Variants in PAX3 observed in about 807,000 individuals in gnomAD.
PAX3 encodes paired box protein Pax-3.
In PAX3, 14 loss-of-function variants were observed where a neutral mutation model predicts 51.6. The observed-to-expected ratio is 0.27, with a 90% CI of 0.18 to 0.42. The LOEUF is 0.42. PAX3 is among the 10% of genes least tolerant of loss of function. PAX3 has a pLI of 1.00. For missense variants in PAX3, 540 were observed against 642.8 expected, an observed-to-expected ratio of 0.84 and a Z score of 1.73; for synonymous variants, 280 against 253.4, an observed-to-expected ratio of 1.11 and a Z score of -1.00.
intron 4 of PAX3, chr2:222,262,976 A>AAAAATTAACTG (rs1693921439): frequency 6.8e-6 from 1 of 146,188 alleles, no homozygotes; most frequent in Admixed American, 6.8e-5. Flanking sequence ...CACCACATAC[A>AAAAATTAACTG]AAAATTAACT....
chr2:222,217,183 A>G (rs1319981914), intron 7 of PAX3, among the ~76,000 whole-genome samples: 1 of 152,222 alleles, frequency 6.6e-6, no homozygotes. Flanking sequence ...TCTACTTTAT[A>G]GACACTTTTT....
In PAX3 at chr2:222,237,326, GCACACA is replaced by G. The variant is rs3075849; in HGVS notation, c.587-5049_587-5044del. 1.4e-3 allele frequency among the ~76,000 whole-genome samples: 210 copies of G among 146,544 alleles called. 1 individual carries two copies. The highest frequency in any genetic ancestry group is 6.0e-3 in the South Asian group (27 of 4,512). On this transcript the variant is annotated intron_variant, in intron 4 of 8. Coordinates refer to ENST00000392070, the MANE Select transcript of PAX3 (RefSeq NM_181458.4). Reference sequence around the variant, plus strand: ...ATGAGTGTTGAGTCTTTTATCACATGCACACACACACACACACACACACACACACAC... The same window carrying G: ...ATGAGTGTTGAGTCTTTTATCACATGCACACACACACACACACACACACAC...
intron 4 of PAX3, among the ~76,000 whole-genome samples, chr2:222,251,140 C>T (rs938264857): frequency 6.6e-6 from 1 of 151,934 alleles, no homozygotes; most frequent in Non-Finnish European, 1.5e-5. Context: ...TTTTAGGGTA[C>T]ATGTGCACAA....
intron 4 of PAX3, among the ~76,000 whole-genome samples, chr2:222,253,557 C>A (rs2106129654): frequency 6.6e-6 from 1 of 151,618 alleles, no homozygotes; most frequent in African/African-American, 2.4e-5. Flanking sequence ...CTACAACATA[C>A]ATACATTTAG....
intron 7 of PAX3, among the ~76,000 whole-genome samples, chr2:222,208,641 A>T (rs1033865804): frequency 6.6e-6 from 1 of 152,180 alleles, no homozygotes; most frequent in Non-Finnish European, 1.5e-5. Context: ...GAAATTTCTC[A>T]CAACCACTGT....
At chr2:222,298,122 C>A in intron 1 of PAX3, 4 of 187,104 alleles carry the variant, frequency 2.1e-5, no homozygotes, top group South Asian at 2.9e-4. Flanking sequence ...AAAAAAAATA[C>A]TTCCTGAACT....
chr2:222,280,534 G>A lies in PAX3; in HGVS notation c.586+13633C>T, dbSNP rs180760729. On this transcript the variant is annotated intron_variant, in intron 4 of 8. Transcript: ENST00000392070. ...CAAAGGTATGCCGGGAAATGAGTGA[G>A]TACTTGCTTTGACCTCCACAAGAGT... 1.5e-3 allele frequency among the ~76,000 whole-genome samples: 223 copies of A among 152,296 alleles called. 2 individuals carry two copies. Among genetic ancestry groups the A allele is most frequent in the African/African-American group, 5.1e-3 (213 of 41,552 alleles).
intron 6 of PAX3, among the ~76,000 whole-genome samples, 162 bp downstream of exon 6, chr2:222,221,060 C>A (rs1483066456): frequency 6.6e-6 from 1 of 152,204 alleles, no homozygotes; most frequent in African/African-American, 2.4e-5. Flanking sequence ...CATCATAGAA[C>A]AAACTATGTT....
At chr2:222,288,870 T>G (rs776139029) in intron 4 of PAX3, among the ~76,000 whole-genome samples, 13 of 152,194 alleles carry the variant, frequency 8.5e-5, no homozygotes, top group African/African-American at 2.9e-4. Context: ...GACAGATAAA[T>G]TGAAATGATC....
chr2:222,201,034 T>TAC lies in PAX3; in HGVS notation c.*372_*373dup, dbSNP rs373626774. On this transcript the variant is annotated 3_prime_UTR_variant, in exon 9 of 9. Coordinates refer to ENST00000392070, the MANE Select transcript of PAX3 (RefSeq NM_181458.4). ...CCAAACCAGTCTGGGTAAATCTCAA[T>TAC]ACACACACACACACACACACGCACG... 13,754 of 793,502 alleles carry TAC rather than the reference T, an allele frequency of 0.017. 581 individuals carry two copies. Among genetic ancestry groups the TAC allele is most frequent in the African/African-American group, 0.16 (9,237 of 57,670 alleles). The allele number at this position is 793,502 out of a possible 1,614,324, so 49.2% of individuals were successfully genotyped here.
At chr2:222,270,882 T>C (rs1412060238) in intron 4 of PAX3, among the ~76,000 whole-genome samples, 2 of 152,234 alleles carry the variant, frequency 1.3e-5, no homozygotes, top group East Asian at 1.9e-4. Flanking sequence ...GTCCTAGATA[T>C]AGAATTAGTT....
intron 7 of PAX3, chr2:222,214,323 T>TATGC (rs1559258696): frequency 6.6e-6 from 1 of 152,204 alleles, no homozygotes; most frequent in East Asian, 1.9e-4. Flanking sequence ...CTAATACATA[T>TATGC]ATGCATGAAA....
intron 7 of PAX3, among the ~76,000 whole-genome samples, chr2:222,205,010 A>G (rs1345042176): frequency 2.0e-5 from 3 of 152,210 alleles, no homozygotes; most frequent in Admixed American, 6.5e-5. Context: ...CTTTGAAGGC[A>G]GCAATAACTA....
chr2:222,271,169 A>G (rs906579855), intron 4 of PAX3, among the ~76,000 whole-genome samples: 3 of 152,204 alleles, frequency 2.0e-5, no homozygotes, highest in Admixed American at 1.3e-4. Flanking sequence ...TTCCATGATC[A>G]CAACTATTCA....
At chr2:222,256,072 A>G (rs941991353) in intron 4 of PAX3, among the ~76,000 whole-genome samples, 2 of 151,588 alleles carry the variant, frequency 1.3e-5, no homozygotes, top group Non-Finnish European at 2.9e-5. Flanking sequence ...CCCAGCCCCG[A>G]TTATATTATT....
rs1471725623 is a variant in PAX3 at position 222,202,157 on chromosome 2, G to C, written c.1207C>G (p.Pro403Ala). The C allele has an allele frequency of 1.9e-6, 3 of 1,606,818 alleles. No homozygotes were observed. Among genetic ancestry groups the C allele is most frequent in the Non-Finnish European group, 2.6e-6 (3 of 1,176,312 alleles). The change falls in exon 8 of 9, where the codon CCT (proline) becomes GCT (alanine). Residue 403 changes from proline to alanine, a missense_variant. Transcript: ENST00000392070. The part of the protein sequence containing the change: ...MGLLTNHGGV[P>A]HQPQTDYALS... ...GCGTAATCAGTCTGGGGCTGATGAG[G>C]TACCCCACCGTGGTTGGTCAGGAGT... is the stretch of plus-strand genomic sequence containing the variant.
Position 222,259,554 on chromosome 2 carries a change from C to T in PAX3, c.587-27271G>A, listed in dbSNP as rs763542963. The stretch of plus-strand genomic sequence containing the variant: ...GAGAAGTGACATTGGGAAATAACAC[C>T]GGTTGTGTTTAAAGAAAGAAAAATT... On this transcript the variant is annotated intron_variant, in intron 4 of 8. Coordinates refer to ENST00000392070, the MANE Select transcript of PAX3 (RefSeq NM_181458.4). Among the ~76,000 whole-genome samples, 8 of 152,042 alleles carry T rather than the reference C, an allele frequency of 5.3e-5. No individual in the cohort carries two copies. The East Asian group carries it at 5.8e-4, about 11-fold the overall frequency.
At chr2:222,212,417 C>T (rs1453870938) in intron 7 of PAX3, among the ~76,000 whole-genome samples, 1 of 152,132 alleles carries the variant, frequency 6.6e-6, no homozygotes, top group Admixed American at 6.6e-5. Context: ...CATTATTCTG[C>T]AAAATGTACT....
chr2:222,291,809 GT>G (rs1415690171), intron 4 of PAX3, among the ~76,000 whole-genome samples: 1 of 152,176 alleles, frequency 6.6e-6, no homozygotes, highest in Non-Finnish European at 1.5e-5. Flanking sequence ...ACAGAAAGGA[GT>G]TTTTGAAGTT....
Sources: allele counts gnomAD v4.1 joint callset (sites outside exome capture counted in the v4.1 genomes callset), GRCh38; gene constraint gnomAD v4.1.1; transcripts MANE v1.5; gene names NCBI Gene and HGNC (gene_info 2026-07-23, HGNC 2026-07-21).